Variants in NBEA observed in about 807,000 individuals in gnomAD.
The protein encoded by NBEA is neurobeachin.
A neutral mutation model predicts 343.4 loss-of-function variants in NBEA; 44 were observed. The ratio of observed to expected loss-of-function variants is 0.13; its 90% CI spans 0.10 to 0.16. The LOEUF (loss-of-function observed/expected upper bound fraction) is 0.16. Among genes scored for constraint, NBEA ranks in the 10% least tolerant of loss-of-function variants. NBEA has a pLI of 1.00. For missense variants in NBEA, 2,555 were observed against 3,631.3 expected (o/e 0.70, Z 7.62); for synonymous variants, 1,175 against 1,238.7 (o/e 0.95, Z 1.08).
intron 9 of NBEA, 67 bp downstream of exon 9, chr13:35,070,172 C>A: frequency 7.6e-7 from 1 of 1,314,510 alleles, no homozygotes; most frequent in Non-Finnish European, 1.0e-6. Flanking sequence ...TTTTATATAT[C>A]AAACATTGCT....
rs774009738 is a variant in NBEA, at chr13:35,668,423, T to C, written c.8717T>C (p.Val2906Ala). Residue 2906 changes from valine to alanine, a missense_variant, in exon 58 of 59, where the codon GTA (valine) becomes GCA (alanine). By Grantham distance (64) the Val-to-Ala change is moderately conservative. This residue lies in a region of NBEA where 186 missense variants were observed against 328.9 expected (regional missense o/e 0.57). Transcript: ENST00000379939. The part of the protein sequence containing the change: ...QNLVTGGDNG[V>A]VEVWQACDFK... ...CTGGTCACCGGAGGGGACAATGGGG[T>C]AGTAGAGGTCTGGCAGGCCTGTGAC... 1 of 1,612,686 alleles carries C rather than the reference T, an allele frequency of 6.2e-7. No homozygotes were observed. Among genetic ancestry groups the C allele is most frequent in the Non-Finnish European group, 8.5e-7 (1 of 1,179,416 alleles).
chr13:35,079,086 AG>A (rs2064254694), intron 10 of NBEA, among the ~76,000 whole-genome samples: 1 of 152,198 alleles, frequency 6.6e-6, no homozygotes, highest in African/African-American at 2.4e-5. Context: ...GGTAAAATTT[AG>A]GGTACAAAAT....
rs370122231 is a variant in NBEA, at chr13:35,177,080, C to T, written c.4639C>T (p.Arg1547Cys). The T allele has an allele frequency of 2.5e-6, 4 of 1,601,488 alleles. No individual in the cohort carries two copies. The highest frequency in any genetic ancestry group is 1.1e-5 in the South Asian group (1 of 89,188). ...LLQDVDINRL[R>C]AVVFRDVDDS... is the part of the protein sequence containing the mutation. ...TCAGGATGTTGATATCAATCGCCTT[C>T]GTGCTGTTGTCTTTCGGGATGTGGT... The change falls in exon 28 of 59, where the codon CGT becomes TGT. Residue 1547 changes from arginine (R) to cysteine (C), a missense_variant. Physicochemically the swap from Arg to Cys is radical, Grantham distance 180. Transcript: ENST00000379939.
intron 24 of NBEA, among the ~76,000 whole-genome samples, chr13:35,167,161 G>A (rs1222756193): frequency 6.6e-6 from 1 of 151,910 alleles, no homozygotes; most frequent in Non-Finnish European, 1.5e-5. Context: ...AATAGTTTAG[G>A]TTTCATTGGC....
intron 30 of NBEA, among the ~76,000 whole-genome samples, chr13:35,184,690 A>T (rs1439288375): frequency 6.6e-6 from 1 of 152,092 alleles, no homozygotes; most frequent in Non-Finnish European, 1.5e-5. Flanking sequence ...TATATTCAAG[A>T]TGTTTTTCAA....
intron 39 of NBEA, among the ~76,000 whole-genome samples, chr13:35,440,240 G>A (rs1292046412): frequency 1.3e-5 from 2 of 152,048 alleles, no homozygotes; most frequent in African/African-American, 4.8e-5. Flanking sequence ...CATCACTTTG[G>A]GTAACAACAT....
intron 11 of NBEA, among the ~76,000 whole-genome samples, chr13:35,104,322 C>G (rs924428223): frequency 2.0e-5 from 3 of 151,894 alleles, no homozygotes; most frequent in African/African-American, 7.2e-5. Context: ...TTTGCAGCAC[C>G]ATTCTGGCAT....
chr13:35,244,758 G>T (rs1451371912), intron 34 of NBEA, among the ~76,000 whole-genome samples: 2 of 152,166 alleles, frequency 1.3e-5, no homozygotes, highest in African/African-American at 4.8e-5. Context: ...ATGAGCATGG[G>T]ATGTGTTTTT....
At chr13:35,188,823 C>T (rs762564933) in intron 30 of NBEA, among the ~76,000 whole-genome samples, 1 of 151,352 alleles carries the variant, frequency 6.6e-6, no homozygotes, top group Non-Finnish European at 1.5e-5. Flanking sequence ...TCCATAATAG[C>T]TGTCCTAATT....
chr13:35,123,594 A>C lies in NBEA; in HGVS notation c.2336+20A>C. 7.3e-7 allele frequency: 1 copy of C among 1,372,006 alleles called. No individual in the cohort carries two copies. Among genetic ancestry groups the C allele is most frequent in the Non-Finnish European group, 9.8e-7 (1 of 1,019,118 alleles). The allele number at this position is 1,372,006 out of a possible 1,614,324, so 85.0% of individuals were successfully genotyped here. A position where few individuals can be genotyped will look rare whatever the true frequency, so the allele number is the denominator to read the frequency against. On this transcript the variant is annotated intron_variant, in intron 17 of 58. Coordinates refer to ENST00000379939, the MANE Select transcript of NBEA (RefSeq NM_001385012.1). Reference sequence around the variant, plus strand: ...TCACAAGTAAGTTGATATTTGTCATAATGCATTCTAGAAATAACTATTGAG... The same window carrying C: ...TCACAAGTAAGTTGATATTTGTCATCATGCATTCTAGAAATAACTATTGAG...
At chr13:35,293,116 G>C (rs1441731463) in intron 35 of NBEA, among the ~76,000 whole-genome samples, 1 of 151,684 alleles carries the variant, frequency 6.6e-6, no homozygotes, top group Non-Finnish European at 1.5e-5. Flanking sequence ...ATTCCTAATA[G>C]TTTGTGCCCA....
intron 38 of NBEA, among the ~76,000 whole-genome samples, chr13:35,371,998 C>T (rs937650410): frequency 6.6e-6 from 1 of 152,118 alleles, no homozygotes; most frequent in Non-Finnish European, 1.5e-5. Context: ...TCTGTGGTGG[C>T]AATGGTGGGC....
At position 35,425,452 on chromosome 13, in the gene NBEA, C is replaced by T. The variant is rs550566212; in HGVS notation, c.6180-6817C>T. Among the ~76,000 whole-genome samples the T allele has an allele frequency of 3.0e-4, 45 of 152,166 alleles. No individual in the cohort carries two copies. The South Asian group carries it at 5.8e-3, about 20-fold the overall frequency. ...GTTGTTCAGTTTCCATGTAGTTGAGCGGTTTTGAGTGAGTTTCTTAATCCT... is the reference window on the plus strand; with the variant it reads ...GTTGTTCAGTTTCCATGTAGTTGAGTGGTTTTGAGTGAGTTTCTTAATCCT... On this transcript the variant is annotated intron_variant, in intron 38 of 58. Transcript: ENST00000379939.
Position 35,206,025 on chromosome 13 carries a change from T to G in NBEA, c.5367-2675T>G, listed in dbSNP as rs528878530. Among the ~76,000 whole-genome samples the G allele has an allele frequency of 2.0e-5, 3 of 152,158 alleles. No individual in the cohort carries two copies. In the South Asian group the frequency reaches 6.2e-4, roughly 32 times the overall value. ...AGAATTCTGTGCCATACTGTCAAAC[T>G]CTGCTGAGTTTGCAAGCAATGAAAT... On this transcript the variant is annotated intron_variant, in intron 31 of 58. Coordinates refer to ENST00000379939, the MANE Select transcript of NBEA (RefSeq NM_001385012.1).
At chr13:35,358,113 C>G (rs1396416386) in intron 38 of NBEA, among the ~76,000 whole-genome samples, 4 of 152,118 alleles carry the variant, frequency 2.6e-5, no homozygotes, top group African/African-American at 9.6e-5. Flanking sequence ...CCTCCACCTC[C>G]CGGGTTCAAG....
intron 41 of NBEA, among the ~76,000 whole-genome samples, chr13:35,546,136 T>G (rs776422650): frequency 1.2e-4 from 18 of 152,194 alleles, no homozygotes; most frequent in Non-Finnish European, 2.4e-4. Flanking sequence ...GAGAGTTCTA[T>G]TCTCCTATTT....
At chr13:35,308,456 ATATATATATATATATATG>A (rs1220790725) in intron 35 of NBEA, among the ~76,000 whole-genome samples, 4 of 118,054 alleles carry the variant, frequency 3.4e-5, no homozygotes, top group African/African-American at 1.2e-4. Flanking sequence ...ATATATATAT[ATATATATATATATATATG>A]TATATATATA....
intron 41 of NBEA, among the ~76,000 whole-genome samples, chr13:35,482,443 C>T (rs1432246798): frequency 1.3e-5 from 2 of 150,892 alleles, no homozygotes; most frequent in Non-Finnish European, 3.0e-5. Flanking sequence ...CCAATATGTA[C>T]TATTTCTTGA....
chr13:35,397,510 G>A (rs2042801091), intron 38 of NBEA, among the ~76,000 whole-genome samples: 1 of 152,056 alleles, frequency 6.6e-6, no homozygotes, highest in Non-Finnish European at 1.5e-5. Context: ...ACTCCATGAG[G>A]GCAGAGACTT....
Sources: gnomAD v4.1 joint callset for allele counts (sites outside exome capture counted in the v4.1 genomes callset) on GRCh38, gnomAD v4.1.1 for gene constraint, gnomAD v4.1.1 regional missense constraint, MANE v1.5 for transcripts, NCBI Gene and HGNC (gene_info 2026-07-23, HGNC 2026-07-21) for gene names.